The following PPP6R2 variants were observed in gnomAD, a reference collection of about 807,000 sequenced individuals.
PPP6R2 encodes the protein protein phosphatase 6 regulatory subunit 2.
A neutral mutation model predicts 100.2 loss-of-function variants in PPP6R2; 62 were observed. The ratio of observed to expected loss-of-function variants is 0.62; its 90% CI spans 0.50 to 0.76. The LOEUF (loss-of-function observed/expected upper bound fraction) is 0.76. Ranked by LOEUF, PPP6R2 falls within the 30% of genes least tolerant of loss-of-function variation. The pLI is 0.00. For synonymous variants in PPP6R2, 525 were observed against 514.7 expected, an observed-to-expected ratio of 1.02 and a Z score of -0.27; for missense variants, 1,142 against 1,276.3, an observed-to-expected ratio of 0.89 and a Z score of 1.60.
In PPP6R2 at chr22:50,440,138, A is replaced by T. The variant is rs1314591695; in HGVS notation, c.2374+89A>T. ...CCCCCTCCTTGGGGGCAGTGGGAGGAGGTGGCCGGGGCCTCGCATGCTGCT... is the reference window on the plus strand; with the variant it reads ...CCCCCTCCTTGGGGGCAGTGGGAGGTGGTGGCCGGGGCCTCGCATGCTGCT... On this transcript the variant is annotated intron_variant, in intron 21 of 23. Coordinates refer to ENST00000612753, the MANE Select transcript of PPP6R2 (RefSeq NM_001242898.2). 6 of 1,273,364 alleles carry T rather than the reference A, an allele frequency of 4.7e-6. No homozygotes were observed. The African/African-American group carries it at 6.0e-5, about 13-fold the overall frequency. 78.9% of individuals were successfully genotyped at this position (1,273,364 alleles called of 1,614,324 possible).
intron 22 of PPP6R2, 72 bp from the exon 23 acceptor site, chr22:50,443,794 G>A (rs911511723): frequency 2.0e-6 from 3 of 1,495,678 alleles, no homozygotes; most frequent in Non-Finnish European, 2.7e-6. Flanking sequence ...TGTCCAGCTG[G>A]TCCTTGGGCA....
At chr22:50,435,280 G>T (rs2063980967) in intron 13 of PPP6R2, among the ~76,000 whole-genome samples, 199 bp downstream of exon 13, 1 of 152,218 alleles carries the variant, frequency 6.6e-6, no homozygotes, top group South Asian at 2.1e-4. Flanking sequence ...CAGTTCTATT[G>T]GGCGGACTTC....
At chr22:50,340,177 G>C (rs2042356370), upstream of PPP6R2, among the ~76,000 whole-genome samples, 1 of 128,226 alleles carries the variant, frequency 7.8e-6, no homozygotes, top group East Asian at 2.5e-4. Context: ...TGTGTGTAGG[G>C]TGTGTATGTG....
At chr22:50,409,809 C>A (rs1472515595) in intron 4 of PPP6R2, among the ~76,000 whole-genome samples, 1 of 152,194 alleles carries the variant, frequency 6.6e-6, no homozygotes, top group Non-Finnish European at 1.5e-5. Context: ...TCATTGCAAC[C>A]TCTGCCTCCA....
intron 2 of PPP6R2, among the ~76,000 whole-genome samples, chr22:50,386,571 G>A (rs140787880): frequency 1.3e-5 from 2 of 152,302 alleles, no homozygotes; most frequent in African/African-American, 4.8e-5. Context: ...AAGAACAGTG[G>A]CTTGAGCAAG....
Position 50,444,385 on chromosome 22 carries a change from G to A in PPP6R2, c.*138G>A, listed in dbSNP as rs2066587587. On this transcript the variant is annotated 3_prime_UTR_variant, in exon 24 of 24. Coordinates refer to ENST00000612753, the MANE Select transcript of PPP6R2 (RefSeq NM_001242898.2). ...TGCTGCATTGGTAAAGCTGGCAGTT[G>A]AAACCAGTTGGACGGCCCAGCTTGC... 3.4e-6 allele frequency: 4 copies of A among 1,182,386 alleles called. No homozygotes were observed. The highest frequency in any genetic ancestry group is 4.7e-6 in the Non-Finnish European group (4 of 843,754). 73.2% of individuals were successfully genotyped at this position (1,182,386 alleles called of 1,614,324 possible). A position where few individuals can be genotyped will look rare whatever the true frequency, so the allele number is the denominator to read the frequency against.
intron 5 of PPP6R2, 122 bp from the exon 6 acceptor site, chr22:50,415,970 G>T (rs918207860): frequency 4.8e-6 from 4 of 841,458 alleles, no homozygotes; most frequent in African/African-American, 3.4e-5. Context: ...TGGGTCTGGG[G>T]TGTGTCAGGC....
chr22:50,339,374 C>A (rs866946068), upstream of PPP6R2, among the ~76,000 whole-genome samples: 8 of 31,550 alleles, frequency 2.5e-4, no homozygotes, highest in African/African-American at 5.3e-4. Context: ...GTGTGGCTTG[C>A]GTGTGGTATG....
chr22:50,441,492 C>T (rs1431574604), intron 22 of PPP6R2, among the ~76,000 whole-genome samples: 2 of 152,298 alleles, frequency 1.3e-5, no homozygotes, highest in East Asian at 1.9e-4. Flanking sequence ...GTGGGGCTCA[C>T]GCAGACCTCG....
chr22:50,437,907 A>G lies in PPP6R2; in HGVS notation c.1839+7A>G, dbSNP rs765647190. On this transcript the variant is annotated splice_region_variant and intron_variant, in intron 17 of 23. Transcript: ENST00000612753. ...CGACGCTGACGAGGACAGTGTGAGC[A>G]AGCCGGGCTGTGTGGGGTGCCGCCA... The G allele has an allele frequency of 5.1e-6, 8 of 1,558,062 alleles. No individual in the cohort carries two copies. The South Asian group carries it at 8.2e-5, about 16-fold the overall frequency.
chr22:50,393,546 G>T (rs2056097962), intron 2 of PPP6R2: 1 of 984,804 alleles, frequency 1.0e-6, no homozygotes, highest in Non-Finnish European at 1.2e-6. Context: ...GACAGTGTGG[G>T]GAAGGAGGGC....
At chr22:50,440,465 G>C (rs2065325215) in intron 21 of PPP6R2, among the ~76,000 whole-genome samples, 1 of 91,560 alleles carries the variant, frequency 1.1e-5, no homozygotes, top group Middle Eastern at 7.9e-3. Context: ...AGCTCCAGGT[G>C]AGTGACAGCT....
chr22:50,382,706 C>G (rs1480151308), intron 2 of PPP6R2, among the ~76,000 whole-genome samples: 1 of 152,160 alleles, frequency 6.6e-6, no homozygotes, highest in African/African-American at 2.4e-5. Context: ...CAGAGGTACC[C>G]TGGTTTTGGA....
chr22:50,407,945 C>T (rs1165233138), intron 4 of PPP6R2, among the ~76,000 whole-genome samples: 1 of 152,190 alleles, frequency 6.6e-6, no homozygotes, highest in Admixed American at 6.5e-5. Flanking sequence ...TCCACTGGCT[C>T]CAACACAGCC....
At chr22:50,411,073 G>T (rs2059683145) in intron 4 of PPP6R2, among the ~76,000 whole-genome samples, 2 of 152,152 alleles carry the variant, frequency 1.3e-5, no homozygotes, top group South Asian at 4.1e-4. Flanking sequence ...TTACAGGTGT[G>T]AGCCCCCACA....
chr22:50,397,242 G>A (rs1393969101), intron 3 of PPP6R2, among the ~76,000 whole-genome samples: 1 of 152,012 alleles, frequency 6.6e-6, no homozygotes, highest in Admixed American at 6.6e-5. Flanking sequence ...GACTTCGGAG[G>A]GAGAGCAAGA....
chr22:50,331,681 T>G, the PPP6R2 span, among the ~76,000 whole-genome samples: 73,897 of 152,024 alleles, frequency 0.49, 18,990 homozygotes, highest in African/African-American at 0.66. Context: ...GGAATGCAAT[T>G]ATGTGATCTC....
At chr22:50,429,712 A>G (rs2062800744) in intron 10 of PPP6R2, among the ~76,000 whole-genome samples, 1 of 152,196 alleles carries the variant, frequency 6.6e-6, no homozygotes, top group Non-Finnish European at 1.5e-5. Context: ...CCTCATCGCC[A>G]GGAAAGGAAA....
chr22:50,419,376 G>T lies in PPP6R2; in HGVS notation c.759G>T (p.Lys253Asn). Residue 253 changes from lysine (K) to asparagine (N), a missense_variant, in exon 8 of 24, where the codon AAG (lysine) becomes AAT (asparagine). Coordinates refer to ENST00000612753, the MANE Select transcript of PPP6R2 (RefSeq NM_001242898.2). Reference sequence around the variant, plus strand: ...AGGACTGTGTGGAGCAGCTTCTGAAGAACATGTTTGATGGAGACCGGACGG... The same window carrying T: ...AGGACTGTGTGGAGCAGCTTCTGAATAACATGTTTGATGGAGACCGGACGG... ...ESQDCVEQLLKNMFDGDRTES... is the reference protein window; with the variant it reads ...ESQDCVEQLLNNMFDGDRTES... 6.2e-7 allele frequency: 1 copy of T among 1,614,196 alleles called. No individual in the cohort carries two copies. The highest frequency in any genetic ancestry group is 8.5e-7 in the Non-Finnish European group (1 of 1,180,044).
Sources: gnomAD v4.1 joint callset for allele counts (sites outside exome capture counted in the v4.1 genomes callset) on GRCh38, gnomAD v4.1.1 for gene constraint, MANE v1.5 for transcripts, NCBI Gene and HGNC (gene_info 2026-07-23, HGNC 2026-07-21) for gene names.